DYNC1I2: variants seen among roughly 807,000 people sequenced by gnomAD.
The protein encoded by DYNC1I2 is cytoplasmic dynein 1 intermediate chain 2.
In DYNC1I2, 53 loss-of-function variants were observed where a neutral mutation model predicts 88.6. The observed-to-expected ratio is 0.60, with a 90% CI of 0.48 to 0.75. DYNC1I2 has a LOEUF of 0.75. DYNC1I2 is among the 30% of genes least tolerant of loss of function. The pLI is 0.00. For missense variants in DYNC1I2, 458 were observed against 766.6 expected (o/e 0.60, Z 4.75); for synonymous variants, 198 against 254.6 (o/e 0.78, Z 2.12).
At chr2:171,726,576 A>T in intron 10 of DYNC1I2, 2 of 600,222 alleles carry the variant, frequency 3.3e-6, no homozygotes, top group Non-Finnish European at 5.3e-6. Flanking sequence ...TATTTTAATT[A>T]AATGTTTTAA....
At chr2:171,736,877 C>T (rs907556031) in intron 15 of DYNC1I2, among the ~76,000 whole-genome samples, 2 of 152,178 alleles carry the variant, frequency 1.3e-5, no homozygotes, top group African/African-American at 2.4e-5. Flanking sequence ...TCACTATTAT[C>T]TTCACGTGTT....
At chr2:171,692,714 C>A in intron 2 of DYNC1I2, 63 bp from the exon 3 acceptor site, 6 of 1,193,670 alleles carry the variant, frequency 5.0e-6, no homozygotes, top group South Asian at 1.5e-5. Flanking sequence ...TTATTTAAAA[C>A]ATTTTTGCAA....
chr2:171,692,630 T>G (rs1259988813), intron 2 of DYNC1I2, 147 bp from the exon 3 acceptor site: 4 of 559,870 alleles, frequency 7.1e-6, no homozygotes, highest in Non-Finnish European at 3.2e-6. Context: ...TGATTTTCAT[T>G]TAATGACTAT....
intron 6 of DYNC1I2, among the ~76,000 whole-genome samples, chr2:171,714,353 A>G (rs545077407): frequency 6.6e-6 from 1 of 152,210 alleles, no homozygotes; most frequent in African/African-American, 2.4e-5. Context: ...TTTAGTTACT[A>G]AATAGAACTG....
At chr2:171,703,980 C>T (rs980197413) in intron 3 of DYNC1I2, among the ~76,000 whole-genome samples, 1 of 152,162 alleles carries the variant, frequency 6.6e-6, no homozygotes, top group African/African-American at 2.4e-5. Context: ...CTACCTTTTC[C>T]AGGTCTTTCT....
intron 15 of DYNC1I2, among the ~76,000 whole-genome samples, chr2:171,732,598 A>G (rs1312599485): frequency 6.6e-6 from 1 of 152,168 alleles, no homozygotes; most frequent in Non-Finnish European, 1.5e-5. Context: ...TTAAGTGAGG[A>G]CTTACTGTAT....
intron 3 of DYNC1I2, among the ~76,000 whole-genome samples, chr2:171,696,557 T>C (rs1285166577): frequency 6.6e-6 from 1 of 152,194 alleles, no homozygotes; most frequent in African/African-American, 2.4e-5. Context: ...TTTTTCCTAT[T>C]AATTTTATAG....
intron 17 of DYNC1I2, among the ~76,000 whole-genome samples, chr2:171,746,642 A>G (rs1027742280): frequency 2.0e-5 from 3 of 152,180 alleles, no homozygotes; most frequent in Admixed American, 6.5e-5. Context: ...ACAAATGGAA[A>G]TGTTCTGTAC....
chr2:171,707,505 A>T, intron 5 of DYNC1I2, 128 bp downstream of exon 5: 4 of 759,966 alleles, frequency 5.3e-6, no homozygotes, highest in Non-Finnish European at 7.6e-6. Context: ...CTAAAATGGC[A>T]TAGAAATTCT....
intron 15 of DYNC1I2, among the ~76,000 whole-genome samples, chr2:171,740,060 CT>C (rs1002808196): frequency 1.6e-4 from 24 of 151,888 alleles, no homozygotes; most frequent in Non-Finnish European, 2.5e-4. Flanking sequence ...TTGCATCCCT[CT>C]TTTTTTTCTT....
intron 15 of DYNC1I2, among the ~76,000 whole-genome samples, chr2:171,736,321 A>C (rs1302511803): frequency 6.6e-6 from 1 of 152,220 alleles, no homozygotes. Context: ...TTGATTAGAC[A>C]GGGAGTGCTA....
At chr2:171,746,817 A>C (rs1258295253) in intron 17 of DYNC1I2, among the ~76,000 whole-genome samples, 1 of 151,636 alleles carries the variant, frequency 6.6e-6, no homozygotes. Context: ...AAACAGGCAC[A>C]GCCATTTGCC....
At chr2:171,710,693 T>C (rs1271648253) in intron 5 of DYNC1I2, among the ~76,000 whole-genome samples, 4 of 151,878 alleles carry the variant, frequency 2.6e-5, no homozygotes, top group African/African-American at 9.7e-5. Flanking sequence ...TCTTGTTCCT[T>C]TTTTCCTTTT....
chr2:171,704,841 G>A (rs1686551381), intron 3 of DYNC1I2, among the ~76,000 whole-genome samples: 2 of 152,136 alleles, frequency 1.3e-5, no homozygotes, highest in African/African-American at 4.8e-5. Flanking sequence ...AAATGTAGCA[G>A]TTACCAAATA....
intron 7 of DYNC1I2, among the ~76,000 whole-genome samples, chr2:171,725,409 G>T (rs961051488): frequency 6.6e-6 from 1 of 152,072 alleles, no homozygotes; most frequent in East Asian, 1.9e-4. Context: ...AAAACCAAGA[G>T]GTTCCACTTA....
At chr2:171,742,596 T>G (rs1332711492) in intron 15 of DYNC1I2, among the ~76,000 whole-genome samples, 1 of 152,240 alleles carries the variant, frequency 6.6e-6, no homozygotes, top group East Asian at 1.9e-4. Context: ...TGAGATCCTT[T>G]TCTTTGCTAT....
chr2:171,733,459 CTTTTTTTTTT>C (rs61079902), intron 15 of DYNC1I2, among the ~76,000 whole-genome samples: 37 of 55,800 alleles, frequency 6.6e-4, no homozygotes, highest in Admixed American at 1.2e-3. Flanking sequence ...TTGCCAGCAT[CTTTTTTTTTT>C]TTTTTTTTTT....
chr2:171,736,818 C>T (rs1201713198), intron 15 of DYNC1I2, among the ~76,000 whole-genome samples: 1 of 152,182 alleles, frequency 6.6e-6, no homozygotes, highest in Non-Finnish European at 1.5e-5. Context: ...TATTTCTCTT[C>T]TGATCCAAAT....
At chr2:171,707,801 A>G (rs1352967265) in intron 5 of DYNC1I2, among the ~76,000 whole-genome samples, 2 of 152,184 alleles carry the variant, frequency 1.3e-5, no homozygotes, top group African/African-American at 4.8e-5. Context: ...ATTCTGTTCT[A>G]TTAAGTCATT....
Sources: allele counts gnomAD v4.1 joint callset (sites outside exome capture counted in the v4.1 genomes callset), GRCh38; gene constraint gnomAD v4.1.1; transcripts MANE v1.5; gene names NCBI Gene and HGNC (gene_info 2026-07-23, HGNC 2026-07-21).